The following SORCS2 variants were observed in gnomAD, a reference collection of about 807,000 sequenced individuals.
SORCS2 encodes the protein sortilin related VPS10 domain containing receptor 2, also known as VPS10 domain-containing receptor SorCS2.
SORCS2 carries 100 observed loss-of-function variants against 141.6 expected under a neutral mutation model. That is an observed-to-expected ratio of 0.71 (90% CI 0.60 to 0.83). The LOEUF is 0.83. SORCS2 is among the 40% of genes least tolerant of loss of function. The probability of loss-of-function intolerance (pLI) is 0.00; values close to 1 mark genes in which losing one functional copy is unlikely to be tolerated. For missense variants in SORCS2, 1,646 were observed against 1,560.2 expected, an observed-to-expected ratio of 1.05 and a Z score of -0.93; for synonymous variants, 789 against 676.9, an observed-to-expected ratio of 1.17 and a Z score of -2.57.
Position 7,695,926 on chromosome 4 carries a change from TGGTG to T in SORCS2, c.1592-1258_1592-1255del, listed in dbSNP as rs201701783. On this transcript the variant is annotated intron_variant, in intron 11 of 26. Coordinates refer to ENST00000507866, the MANE Select transcript of SORCS2 (RefSeq NM_020777.3). Reference sequence around the variant, plus strand: ...TGGATGGATGGATGGATGGATGGATTGGTGGGTGGGTGGGTGGATGGATGGATGG... The same window carrying T: ...TGGATGGATGGATGGATGGATGGATTGGTGGGTGGGTGGATGGATGGATGG... Among the ~76,000 whole-genome samples, 20 of 39,508 alleles carry T rather than the reference TGGTG, an allele frequency of 5.1e-4. 1 individual carries two copies. The highest frequency in any genetic ancestry group is 1.2e-3 in the South Asian group (1 of 858). The allele number at this position is 39,508 out of a possible 152,430, so 25.9% of individuals were successfully genotyped here.
chr4:7,248,691 C>T (rs376694335), intron 1 of SORCS2, among the ~76,000 whole-genome samples: 7 of 152,150 alleles, frequency 4.6e-5, no homozygotes, highest in Admixed American at 2.0e-4. Context: ...TTCCTCTTTC[C>T]GGGTGTACAC....
Position 7,664,444 on chromosome 4 carries a change from C to T in SORCS2, c.1044C>T (p.Thr348=), listed in dbSNP as rs182662615. The T allele has an allele frequency of 2.4e-5, 38 of 1,613,650 alleles. No individual in the cohort carries two copies. The highest frequency in any genetic ancestry group is 1.4e-4 in the South Asian group (13 of 91,036). Residue 348 remains threonine, a synonymous_variant, in exon 7 of 27, where the codon ACC becomes ACT. Coordinates refer to ENST00000507866, the MANE Select transcript of SORCS2 (RefSeq NM_020777.3). The surrounding 1 kb of genome is among the most constrained non-coding windows in gnomAD (Gnocchi z 4.7). The part of the protein sequence containing the change: ...FAGPIDHGSL[T]VQDDYIFFKA... ...GCCCCATTGACCACGGGTCTCTGAC[C>T]GTGCAGGACGATTACATCTTCTTTA...
At chr4:7,320,454 C>A (rs1269865074) in intron 1 of SORCS2, among the ~76,000 whole-genome samples, 2 of 152,202 alleles carry the variant, frequency 1.3e-5, no homozygotes, top group East Asian at 1.9e-4. Flanking sequence ...TTACATCCAC[C>A]TGGAGAGTGA....
chr4:7,420,486 G>A (rs1292943968), intron 2 of SORCS2, among the ~76,000 whole-genome samples: 1 of 152,220 alleles, frequency 6.6e-6, no homozygotes, highest in African/African-American at 2.4e-5. Flanking sequence ...ACAGCAGCCA[G>A]TGGACATGTG....
chr4:7,451,831 C>G (rs905884897), intron 2 of SORCS2, among the ~76,000 whole-genome samples: 3 of 152,222 alleles, frequency 2.0e-5, no homozygotes, highest in Admixed American at 2.0e-4. Flanking sequence ...AGAGAGGATG[C>G]TGAAGCCCCT....
intron 17 of SORCS2, among the ~76,000 whole-genome samples, chr4:7,716,086 A>C (rs565681013): frequency 0.017 from 2,580 of 152,344 alleles, 67 homozygotes; most frequent in African/African-American, 0.059. Context: ...ATTCATGTAA[A>C]ATGTTAGGTA....
chr4:7,400,590 T>C (rs1724512435), intron 2 of SORCS2, among the ~76,000 whole-genome samples: 1 of 152,116 alleles, frequency 6.6e-6, no homozygotes, highest in Non-Finnish European at 1.5e-5. Flanking sequence ...GCATAGGAGA[T>C]ACATGTTGGG....
chr4:7,463,073 T>C (rs536864164), intron 2 of SORCS2, among the ~76,000 whole-genome samples: 1 of 152,082 alleles, frequency 6.6e-6, no homozygotes, highest in South Asian at 2.1e-4. Flanking sequence ...TCAGTGTTCT[T>C]GTTATCATCC....
At chr4:7,589,787 G>C (rs1386684824) in intron 3 of SORCS2, among the ~76,000 whole-genome samples, 2 of 152,194 alleles carry the variant, frequency 1.3e-5, no homozygotes, top group East Asian at 3.8e-4. Context: ...ATTCTACAGA[G>C]AGGAACCTGA....
In SORCS2 at chr4:7,407,872, G is replaced by A. The variant is rs527974467; in HGVS notation, c.548+11517G>A. Among the ~76,000 whole-genome samples, 4 of 151,868 alleles carry A rather than the reference G, an allele frequency of 2.6e-5. No homozygotes were observed. In the East Asian group the frequency reaches 7.7e-4, roughly 29 times the overall value. The stretch of plus-strand genomic sequence containing the variant: ...GGTTTTTGCATTATGGTTATCATGA[G>A]GCTTATAAAATCATATAGCATGTTA... On this transcript the variant is annotated intron_variant, in intron 2 of 26. Transcript: ENST00000507866.
chr4:7,547,446 G>A (rs916919241), intron 3 of SORCS2, among the ~76,000 whole-genome samples: 1 of 152,236 alleles, frequency 6.6e-6, no homozygotes, highest in African/African-American at 2.4e-5. Flanking sequence ...CAGGCTGCCT[G>A]TGCTGTGCCT....
At chr4:7,316,084 A>G (rs1207211348) in intron 1 of SORCS2, among the ~76,000 whole-genome samples, 1 of 151,822 alleles carries the variant, frequency 6.6e-6, no homozygotes, top group Non-Finnish European at 1.5e-5. Flanking sequence ...GCATCTGTCC[A>G]TCCATCTATC....
At chr4:7,392,049 C>T (rs1723899607) in intron 1 of SORCS2, among the ~76,000 whole-genome samples, 1 of 152,230 alleles carries the variant, frequency 6.6e-6, no homozygotes, top group Non-Finnish European at 1.5e-5. Context: ...CAGACATTCT[C>T]AAGAATTTCA....
intron 4 of SORCS2, among the ~76,000 whole-genome samples, chr4:7,649,941 G>A (rs545463734): frequency 9.2e-5 from 14 of 152,262 alleles, no homozygotes; most frequent in African/African-American, 2.2e-4. Context: ...CAGTTGTGGC[G>A]GCCCTCAGAG....
intron 2 of SORCS2, among the ~76,000 whole-genome samples, chr4:7,491,108 C>G (rs184934454): frequency 4.6e-5 from 7 of 152,164 alleles, no homozygotes; most frequent in Non-Finnish European, 1.0e-4. Flanking sequence ...GCTCTCCTGC[C>G]ATCTCTCTCC....
chr4:7,346,112 T>G (rs1457411837), intron 1 of SORCS2, among the ~76,000 whole-genome samples: 1 of 152,228 alleles, frequency 6.6e-6, no homozygotes, highest in Non-Finnish European at 1.5e-5. Context: ...AGGCTTATTT[T>G]TCTTTTTCTA....
intron 3 of SORCS2, among the ~76,000 whole-genome samples, chr4:7,613,079 C>T (rs754332638): frequency 6.6e-6 from 1 of 152,234 alleles, no homozygotes; most frequent in African/African-American, 2.4e-5. Context: ...CTTGAGGTCC[C>T]AGGCCTGTAG....
intron 1 of SORCS2, among the ~76,000 whole-genome samples, chr4:7,391,370 C>T (rs1330486429): frequency 6.6e-6 from 1 of 152,212 alleles, no homozygotes; most frequent in Admixed American, 6.5e-5. Flanking sequence ...GGCTCCCTCC[C>T]ACTGCCGGAG....
rs865879907 is a variant in SORCS2, at chr4:7,609,436, T to G, written c.649-28892T>G. ...TCTATACAGCCCACCCGGCCAGACC[T>G]GTTCTCAGCCATCCTCAGCCCTCGT... On this transcript the variant is annotated intron_variant, in intron 3 of 26. Coordinates refer to ENST00000507866, the MANE Select transcript of SORCS2 (RefSeq NM_020777.3). Among the ~76,000 whole-genome samples, 149 of 152,310 alleles carry G rather than the reference T, an allele frequency of 9.8e-4. 2 individuals carry two copies. In the Middle Eastern group the frequency reaches 0.01, roughly 10 times the overall value.
Sources: gnomAD v4.1 joint callset for allele counts (sites outside exome capture counted in the v4.1 genomes callset) on GRCh38, gnomAD v4.1.1 for gene constraint, Gnocchi (gnomAD v3.1) non-coding constraint, MANE v1.5 for transcripts, NCBI Gene and HGNC (gene_info 2026-07-23, HGNC 2026-07-21) for gene names.